DNM1L: variants seen among roughly 807,000 people sequenced by gnomAD.
DNM1L encodes the protein dynamin 1L.
DNM1L carries 33 observed loss-of-function variants against 92.8 expected under a neutral mutation model. The observed-to-expected ratio is 0.36, with a 90% CI of 0.27 to 0.48. The LOEUF is 0.48. Ranked by LOEUF, DNM1L falls within the 20% of genes least tolerant of loss-of-function variation. DNM1L has a pLI of 0.99. For synonymous variants in DNM1L, 284 were observed against 305.0 expected (o/e 0.93, Z 0.72); for missense variants, 485 against 888.8 (o/e 0.55, Z 5.78).
At chr12:32,696,383 A>AACACACACACACACAC (rs58224525) in intron 1 of DNM1L, among the ~76,000 whole-genome samples, 14 of 145,012 alleles carry the variant, frequency 9.7e-5, no homozygotes, top group African/African-American at 3.3e-4. Flanking sequence ...CACACACACA[A>AACACACACACACACAC]ACACACACAC....
intron 13 of DNM1L, among the ~76,000 whole-genome samples, chr12:32,735,736 G>A (rs1056394353): frequency 6.8e-4 from 104 of 151,880 alleles, no homozygotes; most frequent in Non-Finnish European, 1.4e-3. Context: ...AAAATTAGCC[G>A]GGGGTGGTGG....
At chr12:32,742,803 T>C (rs559435859) in intron 19 of DNM1L, 55 bp downstream of exon 19, 29 of 1,599,808 alleles carry the variant, frequency 1.8e-5, no homozygotes, top group African/African-American at 1.2e-4. Context: ...AACATAGAAA[T>C]AGTTTTAAAT....
chr12:32,717,749 A>G (rs1953540254), intron 6 of DNM1L, among the ~76,000 whole-genome samples: 1 of 118,688 alleles, frequency 8.4e-6, no homozygotes, highest in African/African-American at 3.2e-5. Context: ...ATACCTAGGT[A>G]GATATATATA....
chr12:32,697,889 A>G (rs546409243), intron 1 of DNM1L, among the ~76,000 whole-genome samples: 105 of 152,326 alleles, frequency 6.9e-4, no homozygotes, highest in African/African-American at 2.4e-3. Context: ...AAGTCTCATA[A>G]AAAAAGAACG....
chr12:32,699,796 C>CAAAAAAA (rs34943495), intron 1 of DNM1L, among the ~76,000 whole-genome samples: 14 of 73,546 alleles, frequency 1.9e-4, no homozygotes, highest in East Asian at 5.1e-4. Context: ...GACTCCATCT[C>CAAAAAAA]AAAAAAAAAA....
intron 2 of DNM1L, chr12:32,706,631 G>A: frequency 2.2e-6 from 1 of 453,550 alleles, no homozygotes; most frequent in Non-Finnish European, 4.4e-6. Context: ...TCCTTACGCT[G>A]CATATACCAG....
chr12:32,727,376 T>C (rs1954219578), intron 9 of DNM1L: 1 of 777,506 alleles, frequency 1.3e-6, no homozygotes, highest in Admixed American at 1.7e-5. Flanking sequence ...TCTGCCATGT[T>C]GTAAGAACTC....
chr12:32,690,600 CTTGT>C (rs1952191702), intron 1 of DNM1L, among the ~76,000 whole-genome samples: 1 of 152,146 alleles, frequency 6.6e-6, no homozygotes, highest in Non-Finnish European at 1.5e-5. Flanking sequence ...ATCCCTGTTA[CTTGT>C]TACCTAATTA....
rs969123160 is a variant in DNM1L, at chr12:32,717,375, C to G, written c.620-1268C>G. Among the ~76,000 whole-genome samples, 19 of 60,398 alleles carry G rather than the reference C, an allele frequency of 3.1e-4. No homozygotes were observed. The East Asian group carries it at 3.8e-3, about 12-fold the overall frequency. 39.6% of individuals were successfully genotyped at this position (60,398 alleles called of 152,430 possible). The stretch of plus-strand genomic sequence containing the variant: ...ATATATAGTATATATAATATATATA[C>G]TATATATAATATATAGTATATATAA... On this transcript the variant is annotated intron_variant, in intron 6 of 19. Coordinates refer to ENST00000549701, the MANE Select transcript of DNM1L (RefSeq NM_012062.5).
At chr12:32,693,883 C>T (rs920862728) in intron 1 of DNM1L, among the ~76,000 whole-genome samples, 4 of 152,084 alleles carry the variant, frequency 2.6e-5, no homozygotes, top group African/African-American at 9.7e-5. Context: ...AAGTGATCTG[C>T]CTACCTTGGC....
Position 32,743,350 on chromosome 12 carries a change from G to GCAGGCATTA in DNM1L, c.2155-1_2162dup. ...CATTTAAAATTTTTTTTCCTTTAAT[G>GCAGGCATTA]CAGGCATTACAAGGAGCCAGTCAAA... On this transcript the variant is annotated splice_region_variant and splice_polypyrimidine_tract_variant and intron_variant, in intron 19 of 19. Transcript: ENST00000549701. The GCAGGCATTA allele has an allele frequency of 6.2e-7, 1 of 1,613,294 alleles. No individual in the cohort carries two copies. Among genetic ancestry groups the GCAGGCATTA allele is most frequent in the Non-Finnish European group, 8.5e-7 (1 of 1,179,830 alleles).
chr12:32,717,229 TTATA>T (rs1290440626), intron 6 of DNM1L, among the ~76,000 whole-genome samples: 2 of 106,544 alleles, frequency 1.9e-5, no homozygotes, highest in Non-Finnish European at 3.5e-5. Context: ...ATAGTATATA[TTATA>T]TATATTTTAT....
chr12:32,737,269 C>T (rs949588743), intron 14 of DNM1L, 108 bp downstream of exon 14: 121 of 1,122,258 alleles, frequency 1.1e-4, no homozygotes, highest in Non-Finnish European at 1.5e-4. Flanking sequence ...CTCCCTTTAA[C>T]ACTCCATTGG....
Position 32,711,012 on chromosome 12 carries a change from C to T in DNM1L, c.453C>T (p.Thr151=), listed in dbSNP as rs1322625651. The T allele has an allele frequency of 1.2e-6, 2 of 1,613,322 alleles. No homozygotes were observed. The highest frequency in any genetic ancestry group is 2.7e-5 in the African/African-American group (2 of 74,894). The change falls in exon 5 of 20, where the codon ACC becomes ACT. Residue 151 remains threonine (T), a synonymous_variant. Coordinates refer to ENST00000549701, the MANE Select transcript of DNM1L (RefSeq NM_012062.5). The part of the protein sequence containing the change: ...NLTLVDLPGM[T]KVPVGDQPKD... ...CACTTGTGGATTTGCCAGGAATGAC[C>T]AAGGTAAGGAAGGAATAGTTGTAGA...
Position 32,743,747 on chromosome 12 carries a change from T to C in DNM1L, c.*337T>C, listed in dbSNP as rs546396176. On this transcript the variant is annotated 3_prime_UTR_variant, in exon 20 of 20. Transcript: ENST00000549701. ...GATAAGATGACCTGTGTAATAATCT[T>C]TGTTAGTAGTCTTAAAGCTGCTGCC... 2 of 307,966 alleles carry C rather than the reference T, an allele frequency of 6.5e-6. No homozygotes were observed. Among genetic ancestry groups the C allele is most frequent in the Non-Finnish European group, 1.2e-5 (2 of 163,518 alleles). 19.1% of individuals were successfully genotyped at this position (307,966 alleles called of 1,614,324 possible). A position where few individuals can be genotyped will look rare whatever the true frequency, so the allele number is the denominator to read the frequency against.
intron 6 of DNM1L, among the ~76,000 whole-genome samples, chr12:32,716,742 G>GTGTA (rs1555120329): frequency 5.7e-5 from 8 of 139,188 alleles, no homozygotes; most frequent in Non-Finnish European, 1.2e-4. Context: ...ACTATATATA[G>GTGTA]TATATATATA....
chr12:32,699,201 C>T (rs1413019753), intron 1 of DNM1L, among the ~76,000 whole-genome samples: 1 of 151,994 alleles, frequency 6.6e-6, no homozygotes, highest in Non-Finnish European at 1.5e-5. Flanking sequence ...GAGAGAGAGA[C>T]ATAAAGTAAA....
chr12:32,737,153 C>G lies in DNM1L; in HGVS notation c.1588C>G (p.Arg530Gly). The G allele has an allele frequency of 6.2e-7, 1 of 1,613,570 alleles. No individual in the cohort carries two copies. The highest frequency in any genetic ancestry group is 8.5e-7 in the Non-Finnish European group (1 of 1,179,838). Residue 530 changes from arginine (R) to glycine (G), a missense_variant, in exon 14 of 20, where the codon CGA (arginine) becomes GGA (glycine). Coordinates refer to ENST00000549701, the MANE Select transcript of DNM1L (RefSeq NM_012062.5). ...LARELPSAVS[R>G]DKSSKVPSAL... ...CAGAGAATTACCTTCAGCTGTATCA[C>G]GAGACAAGGTAAAAAAATGTTTTTA... is the stretch of plus-strand genomic sequence containing the variant.
chr12:32,742,404 G>A (rs188664420), intron 18 of DNM1L, among the ~76,000 whole-genome samples, 185 bp from the exon 19 acceptor site: 17 of 152,314 alleles, frequency 1.1e-4, no homozygotes, highest in Non-Finnish European at 1.6e-4. Flanking sequence ...GCGCCTGGCC[G>A]AGAACTGCTT....
Sources: gnomAD v4.1 joint callset for allele counts (sites outside exome capture counted in the v4.1 genomes callset) on GRCh38, gnomAD v4.1.1 for gene constraint, MANE v1.5 for transcripts, NCBI Gene and HGNC (gene_info 2026-07-23, HGNC 2026-07-21) for gene names.